The following SFT2D1 variants were observed in gnomAD, a reference collection of about 807,000 sequenced individuals.
The protein encoded by SFT2D1 is vesicle transport protein SFT2A.
Under a neutral mutation model 28.1 loss-of-function variants are expected in SFT2D1, and 24 were observed. The observed-to-expected ratio is 0.85, with a 90% CI of 0.62 to 1.20. SFT2D1 has a LOEUF of 1.20. SFT2D1 is among the 50% of genes most tolerant of loss of function. The probability of loss-of-function intolerance (pLI) is 0.00; values close to 1 mark genes in which losing one functional copy is unlikely to be tolerated. For missense variants in SFT2D1, 181 were observed against 190.9 expected, an observed-to-expected ratio of 0.95 and a Z score of 0.31; for synonymous variants, 82 against 73.7, an observed-to-expected ratio of 1.11 and a Z score of -0.58.
chr6:166,324,374 C>CA (rs1311075138), intron 6 of SFT2D1, 163 bp downstream of exon 6: 5 of 582,846 alleles, frequency 8.6e-6, no homozygotes, highest in African/African-American at 5.7e-5. Context: ...GCCACGCTGT[C>CA]AAGTGCAACA....
chr6:166,338,357 T>C (rs187012632), intron 1 of SFT2D1, among the ~76,000 whole-genome samples: 162 of 152,296 alleles, frequency 1.1e-3, no homozygotes, highest in African/African-American at 3.8e-3. Context: ...AGACACCAGG[T>C]ACTTGGTAGG....
intron 1 of SFT2D1, among the ~76,000 whole-genome samples, chr6:166,332,621 A>C (rs909864240): frequency 1.3e-5 from 2 of 152,190 alleles, no homozygotes; most frequent in African/African-American, 4.8e-5. Context: ...CAATCCCACC[A>C]AAACCAGCAA....
chr6:166,330,577 A>C (rs1289319357), intron 1 of SFT2D1, among the ~76,000 whole-genome samples: 1 of 152,260 alleles, frequency 6.6e-6, no homozygotes, highest in Non-Finnish European at 1.5e-5. Flanking sequence ...GATTAAAAAA[A>C]CACAGGGGGC....
Position 166,326,147 on chromosome 6 carries a change from C to G in SFT2D1, c.336G>C (p.Leu112=), listed in dbSNP as rs11551054. The G allele has an allele frequency of 1.2e-6, 2 of 1,613,644 alleles. No individual in the cohort carries two copies. Among genetic ancestry groups the G allele is most frequent in the African/African-American group, 2.7e-5 (2 of 74,884 alleles). Residue 112 remains leucine (L), a synonymous_variant, in exon 5 of 8, where the codon CTG becomes CTC. Coordinates refer to ENST00000361731, the MANE Select transcript of SFT2D1 (RefSeq NM_145169.3). ...IVMLLCFIFT[L]CAALWWHKKG... ...CATAACTTACCCAAAGAGCAGCACA[C>G]AGGGTAAATATGAAACACAACTACA...
intron 1 of SFT2D1, chr6:166,335,464 C>T (rs773460583): frequency 3.7e-6 from 2 of 536,716 alleles, no homozygotes; most frequent in Non-Finnish European, 7.3e-6. Flanking sequence ...GAGAACAATA[C>T]TTTGCCAAAT....
intron 1 of SFT2D1, among the ~76,000 whole-genome samples, chr6:166,330,737 T>C (rs1017048465): frequency 6.6e-6 from 1 of 152,146 alleles, no homozygotes; most frequent in Non-Finnish European, 1.5e-5. Flanking sequence ...CCGCACTCAG[T>C]GCAAGTCCTG....
chr6:166,328,178 T>G (rs981424231), intron 4 of SFT2D1, 98 bp downstream of exon 4: 12 of 521,102 alleles, frequency 2.3e-5, no homozygotes, highest in African/African-American at 2.2e-4. Context: ...AAAATAAAAA[T>G]AAAAAAAGAA....
At chr6:166,329,069 C>T (rs535487011) in intron 3 of SFT2D1, among the ~76,000 whole-genome samples, 7 of 152,288 alleles carry the variant, frequency 4.6e-5, no homozygotes, top group Admixed American at 1.3e-4. Flanking sequence ...GCCTGGGCTC[C>T]GGATTCCCAC....
At chr6:166,337,614 C>G (rs1238494211) in intron 1 of SFT2D1, among the ~76,000 whole-genome samples, 1 of 152,052 alleles carries the variant, frequency 6.6e-6, no homozygotes, top group South Asian at 2.1e-4. Flanking sequence ...ACCATGGGAA[C>G]AGTGAGGGAA....
intron 1 of SFT2D1, among the ~76,000 whole-genome samples, chr6:166,333,995 T>C (rs1363571060): frequency 6.6e-6 from 1 of 152,216 alleles, no homozygotes; most frequent in Non-Finnish European, 1.5e-5. Flanking sequence ...CTGTCCACCC[T>C]GCTTTACAGC....
chr6:166,335,265 C>G (rs1193368123), intron 1 of SFT2D1: 1 of 584,876 alleles, frequency 1.7e-6, no homozygotes, highest in African/African-American at 1.9e-5. Flanking sequence ...TTGGTGGCAG[C>G]TGTCCACAGC....
intron 1 of SFT2D1, among the ~76,000 whole-genome samples, chr6:166,339,822 G>C (rs140408793): frequency 1.3e-3 from 201 of 152,248 alleles, no homozygotes; most frequent in African/African-American, 4.6e-3. Flanking sequence ...CACACCTAGA[G>C]AAAACCAGAG....
intron 3 of SFT2D1, among the ~76,000 whole-genome samples, chr6:166,328,788 T>C (rs1229478028): frequency 6.6e-6 from 1 of 152,216 alleles, no homozygotes; most frequent in Non-Finnish European, 1.5e-5. Flanking sequence ...AAAATTTCTA[T>C]TCTTCCTAAG....
At chr6:166,336,147 TC>T (rs1169821995) in intron 1 of SFT2D1, among the ~76,000 whole-genome samples, 1 of 152,120 alleles carries the variant, frequency 6.6e-6, no homozygotes, top group Non-Finnish European at 1.5e-5. Flanking sequence ...CTTGGTAAAC[TC>T]CCCCAAGAGT....
At chr6:166,334,879 C>A in intron 1 of SFT2D1, 1 of 418,166 alleles carries the variant, frequency 2.4e-6, no homozygotes, top group Non-Finnish European at 4.6e-6. Context: ...AGACGAGGTG[C>A]CCAACTGTGA....
intron 1 of SFT2D1, chr6:166,335,460 A>G: frequency 1.9e-6 from 1 of 539,368 alleles, no homozygotes; most frequent in Non-Finnish European, 3.6e-6. Context: ...GGTGGAGAAC[A>G]ATACTTTGCC....
At position 166,342,504 on chromosome 6, in the gene SFT2D1, G is replaced by T. The variant is rs757167666; in HGVS notation, c.-23C>A. On this transcript the variant is annotated 5_prime_UTR_variant, in exon 1 of 8. Transcript: ENST00000361731. ...CATGGCCCTGTTACAGGGCCGTAGC[G>T]GCCGCCACTCTGTTGCCTGCCCCTG... 1.3e-6 allele frequency: 2 copies of T among 1,541,294 alleles called. No individual in the cohort carries two copies. Among genetic ancestry groups the T allele is most frequent in the African/African-American group, 1.4e-5 (1 of 72,986 alleles).
Position 166,330,203 on chromosome 6 carries a change from C to T in SFT2D1, c.108G>A (p.Trp36Ter). ...CGCCACATACGAAGCAGATGGCAAA[C>T]CATTTCAATCTGGTGTTGAAACTAA... is the stretch of plus-strand genomic sequence containing the variant. ...SSLSFNTRLKWFAICFVCGVF... is the reference protein window; with the variant it reads ...SSLSFNTRLK The change falls in exon 2 of 8, where the codon TGG (tryptophan) becomes TGA (stop). Residue 36 changes from tryptophan (W) to a stop codon, truncating the protein, a stop_gained. Transcript: ENST00000361731. LOFTEE classifies it high-confidence loss of function. 6.2e-7 allele frequency: 1 copy of T among 1,606,870 alleles called. No individual in the cohort carries two copies. The highest frequency in any genetic ancestry group is 8.5e-7 in the Non-Finnish European group (1 of 1,177,832).
intron 1 of SFT2D1, among the ~76,000 whole-genome samples, chr6:166,339,261 C>G (rs1242109155): frequency 1.3e-5 from 2 of 152,106 alleles, no homozygotes; most frequent in African/African-American, 2.4e-5. Flanking sequence ...ACCACTTGGA[C>G]AGGCAGTGAG....
Sources: gnomAD v4.1 joint callset for allele counts (sites outside exome capture counted in the v4.1 genomes callset) on GRCh38, gnomAD v4.1.1 for gene constraint, MANE v1.5 for transcripts, NCBI Gene and HGNC (gene_info 2026-07-23, HGNC 2026-07-21) for gene names.